Variants in ACOXL observed in about 807,000 individuals in gnomAD.
ACOXL encodes the protein acyl-CoA oxidase like, also known as acyl-coenzyme A oxidase-like protein.
Under a neutral mutation model 71.9 loss-of-function variants are expected in ACOXL, and 70 were observed. That is an observed-to-expected ratio of 0.97 (90% CI 0.80 to 1.19). ACOXL has a LOEUF of 1.19. Among genes scored for constraint, ACOXL ranks in the 50% most tolerant of loss-of-function variants. The pLI is 0.00. For missense variants in ACOXL, 703 were observed against 736.3 expected (o/e 0.95, Z 0.52); for synonymous variants, 253 against 281.6 (o/e 0.90, Z 1.02).
intron 12 of ACOXL, among the ~76,000 whole-genome samples, chr2:110,954,625 C>G (rs894180208): frequency 6.6e-6 from 1 of 152,224 alleles, no homozygotes; most frequent in Non-Finnish European, 1.5e-5. Flanking sequence ...CTCCCACCCT[C>G]TAAACTATTG....
intron 1 of ACOXL, among the ~76,000 whole-genome samples, chr2:110,750,928 G>A (rs1407742181): frequency 3.3e-5 from 5 of 152,080 alleles, no homozygotes; most frequent in East Asian, 3.9e-4. Context: ...CAAACGATTC[G>A]CCTGCCTTGG....
intron 14 of ACOXL, among the ~76,000 whole-genome samples, chr2:111,001,558 G>A (rs928062956): frequency 2.6e-5 from 4 of 152,150 alleles, no homozygotes; most frequent in Admixed American, 6.5e-5. Flanking sequence ...CCTTATTAAG[G>A]AACTTCCAAC....
chr2:110,939,012 T>C (rs554316757), intron 12 of ACOXL, among the ~76,000 whole-genome samples: 122 of 152,310 alleles, frequency 8.0e-4, no homozygotes, highest in African/African-American at 2.6e-3. Context: ...TGTTAGTGTG[T>C]CTAGTTTAGG....
intron 13 of ACOXL, among the ~76,000 whole-genome samples, chr2:110,994,605 A>G (rs943278011): frequency 1.3e-5 from 2 of 152,162 alleles, no homozygotes; most frequent in African/African-American, 4.8e-5. Flanking sequence ...CTAAAGGTTC[A>G]TGGTGGGTCC....
chr2:111,054,060 A>G (rs1206862004), intron 16 of ACOXL, among the ~76,000 whole-genome samples: 1 of 152,136 alleles, frequency 6.6e-6, no homozygotes, highest in South Asian at 2.1e-4. Context: ...AACATTCCCC[A>G]TGCTACAGTC....
At chr2:110,914,594 C>T (rs2059770441) in intron 11 of ACOXL, among the ~76,000 whole-genome samples, 1 of 152,174 alleles carries the variant, frequency 6.6e-6, no homozygotes, top group Non-Finnish European at 1.5e-5. Context: ...TCTACCTGCA[C>T]AATAAATCAA....
intron 10 of ACOXL, among the ~76,000 whole-genome samples, chr2:110,890,301 G>A (rs1044327113): frequency 4.0e-4 from 29 of 72,728 alleles, no homozygotes; most frequent in South Asian, 1.1e-3. Context: ...TCTTGATGAC[G>A]ACATCCTTGG....
At chr2:110,739,137 T>TCC (rs1434632193) in intron 1 of ACOXL, among the ~76,000 whole-genome samples, 1 of 152,232 alleles carries the variant, frequency 6.6e-6, no homozygotes, top group African/African-American at 2.4e-5. Context: ...TCATTAAATG[T>TCC]CAGGTCAGTC....
chr2:110,765,144 G>A (rs745360303), intron 1 of ACOXL, among the ~76,000 whole-genome samples: 8 of 152,286 alleles, frequency 5.3e-5, no homozygotes, highest in Non-Finnish European at 8.8e-5. Context: ...TGAGAAATCT[G>A]CTGTCATTCC....
intron 17 of ACOXL, chr2:111,093,614 C>T: frequency 6.8e-7 from 1 of 1,472,402 alleles, no homozygotes; most frequent in African/African-American, 1.4e-5. Context: ...CCTGTAATCC[C>T]AGCACTATGG....
At chr2:110,749,285 A>G (rs1362322913) in intron 1 of ACOXL, among the ~76,000 whole-genome samples, 1 of 152,170 alleles carries the variant, frequency 6.6e-6, no homozygotes, top group Non-Finnish European at 1.5e-5. Flanking sequence ...TGCCTTGGCT[A>G]TTCCTTCTTT....
rs112135019 is a variant in ACOXL, at chr2:111,038,424, C to A, written c.1369+6710C>A. On this transcript the variant is annotated intron_variant, in intron 15 of 17. Transcript: ENST00000439055. ...CCCACTTTTTAAATGTGTTTTCGCT[C>A]CTTTGTTTCCCACTCTGTGATCAAA... Among the ~76,000 whole-genome samples, 275 of 152,308 alleles carry A rather than the reference C, an allele frequency of 1.8e-3. 2 individuals are homozygous for A. Among genetic ancestry groups the A allele is most frequent in the African/African-American group, 6.3e-3 (263 of 41,568 alleles).
chr2:111,031,356 C>T (rs1426659733), intron 14 of ACOXL, among the ~76,000 whole-genome samples: 1 of 152,196 alleles, frequency 6.6e-6, no homozygotes, highest in Non-Finnish European at 1.5e-5. Context: ...TCTGTGCCTG[C>T]ATTCTCCCCT....
intron 1 of ACOXL, among the ~76,000 whole-genome samples, chr2:110,743,236 T>C (rs1044872276): frequency 1.3e-5 from 2 of 152,244 alleles, no homozygotes. Context: ...AACTATGTAA[T>C]ACCAATACTT....
chr2:110,986,651 G>T (rs1268366724), intron 12 of ACOXL, among the ~76,000 whole-genome samples: 2 of 152,226 alleles, frequency 1.3e-5, no homozygotes, highest in Admixed American at 1.3e-4. Context: ...TAACTTTAAA[G>T]CTGCTGAAGT....
chr2:111,013,756 G>C (rs1180547498), intron 14 of ACOXL, among the ~76,000 whole-genome samples: 1 of 152,068 alleles, frequency 6.6e-6, no homozygotes, highest in Admixed American at 6.6e-5. Context: ...AGACAAAATA[G>C]TATCAGTCTT....
chr2:110,937,972 G>C (rs966004294), intron 12 of ACOXL, among the ~76,000 whole-genome samples: 2 of 152,176 alleles, frequency 1.3e-5, no homozygotes, highest in African/African-American at 4.8e-5. Context: ...GATGTGCCCA[G>C]GCTGGGGATT....
intron 5 of ACOXL, among the ~76,000 whole-genome samples, chr2:110,794,423 A>G (rs978343197): frequency 1.3e-5 from 2 of 152,254 alleles, no homozygotes; most frequent in Non-Finnish European, 2.9e-5. Flanking sequence ...CACTGCTTCA[A>G]GCACTTTGTG....
At chr2:110,789,968 CAG>C (rs1188265085) in intron 3 of ACOXL, among the ~76,000 whole-genome samples, 5 of 152,240 alleles carry the variant, frequency 3.3e-5, no homozygotes, top group Non-Finnish European at 7.3e-5. Context: ...CTCAGAACAA[CAG>C]AGTTGTACAT....
Sources: gnomAD v4.1 joint callset for allele counts (sites outside exome capture counted in the v4.1 genomes callset) on GRCh38, gnomAD v4.1.1 for gene constraint, MANE v1.5 for transcripts, NCBI Gene and HGNC (gene_info 2026-07-23, HGNC 2026-07-21) for gene names.